Variants in GRIP2 observed in about 807,000 individuals in gnomAD.
GRIP2 encodes the protein glutamate receptor-interacting protein 2.
Under a neutral mutation model 108.3 loss-of-function variants are expected in GRIP2, and 58 were observed. That is an observed-to-expected ratio of 0.54 (90% CI 0.43 to 0.67). GRIP2 has a LOEUF of 0.67. Ranked by LOEUF, GRIP2 falls within the 30% of genes least tolerant of loss-of-function variation. The pLI, the probability that GRIP2 is intolerant of heterozygous loss-of-function variation, is 0.00. For synonymous variants in GRIP2, 586 were observed against 598.2 expected (o/e 0.98, Z 0.30); for missense variants, 1,278 against 1,430.6 (o/e 0.89, Z 1.72).
the GRIP2 span, among the ~76,000 whole-genome samples, chr3:14,587,876 T>C: frequency 2.6e-5 from 4 of 152,046 alleles, no homozygotes; most frequent in African/African-American, 7.3e-5. Context: ...TAGGCAGGGC[T>C]CCTCCTCAAA....
intron 1 of GRIP2, among the ~76,000 whole-genome samples, chr3:14,547,825 A>G (rs1426704672): frequency 1.3e-5 from 2 of 152,218 alleles, no homozygotes; most frequent in East Asian, 1.9e-4. Flanking sequence ...TAAGCATCCA[A>G]TCTCAGGATG....
chr3:14,517,267 C>T (rs1694275743), intron 10 of GRIP2, 54 bp from the exon 11 acceptor site: 1 of 1,481,126 alleles, frequency 6.8e-7, no homozygotes, highest in Non-Finnish European at 9.0e-7. Flanking sequence ...CTCCACCCCA[C>T]CACACAGTGG....
chr3:14,533,914 A>G (rs897502588), intron 1 of GRIP2, among the ~76,000 whole-genome samples: 3 of 152,208 alleles, frequency 2.0e-5, no homozygotes, highest in Non-Finnish European at 4.4e-5. Flanking sequence ...AACAAGTCAT[A>G]CTACTGTGCG....
the GRIP2 span, chr3:14,572,847 G>T: frequency 9.0e-7 from 1 of 1,112,058 alleles, no homozygotes; most frequent in Non-Finnish European, 1.4e-6. Flanking sequence ...CCCGCAGCCA[G>T]CTCGGTGGAG....
chr3:14,591,299 C>T, the GRIP2 span, among the ~76,000 whole-genome samples: 8 of 152,164 alleles, frequency 5.3e-5, no homozygotes, highest in African/African-American at 1.9e-4. Flanking sequence ...ATTAATATTC[C>T]CTGTATGATC....
At chr3:14,534,125 A>G (rs898077612) in intron 1 of GRIP2, among the ~76,000 whole-genome samples, 1 of 152,332 alleles carries the variant, frequency 6.6e-6, no homozygotes, top group African/African-American at 2.4e-5. Context: ...GCTGATGCCT[A>G]TTCAGAGGGG....
chr3:14,514,231 G>A (rs4361268), intron 12 of GRIP2, 61 bp downstream of exon 12: 610,387 of 1,407,750 alleles, frequency 0.43, 135,902 homozygotes, highest in East Asian at 0.6. Flanking sequence ...AGGGCTTGGT[G>A]CTGTGACTCA....
chr3:14,554,431 G>A (rs747760890), intron 1 of GRIP2, among the ~76,000 whole-genome samples: 5 of 141,016 alleles, frequency 3.5e-5, no homozygotes, highest in Non-Finnish European at 7.4e-5. Context: ...GACCTGAACA[G>A]AGGACAGCAG....
chr3:14,541,420 T>G (rs1325763354), upstream of GRIP2, among the ~76,000 whole-genome samples: 2 of 152,196 alleles, frequency 1.3e-5, no homozygotes, highest in Non-Finnish European at 2.9e-5. Context: ...AGCCTCATAT[T>G]TCTTCCATGT....
chr3:14,514,754 G>A (rs1430111407), intron 11 of GRIP2, among the ~76,000 whole-genome samples: 2 of 152,228 alleles, frequency 1.3e-5, no homozygotes, highest in Non-Finnish European at 2.9e-5. Flanking sequence ...GTTCTGGGGG[G>A]CAGTGTCATT....
At chr3:14,572,272 T>A in the GRIP2 span, among the ~76,000 whole-genome samples, 1 of 152,124 alleles carries the variant, frequency 6.6e-6, no homozygotes, top group East Asian at 1.9e-4. Flanking sequence ...TTTTTTTTTT[T>A]TCTAAAACGC....
intron 11 of GRIP2, among the ~76,000 whole-genome samples, chr3:14,515,818 A>G (rs1268188810): frequency 6.6e-6 from 1 of 151,682 alleles, no homozygotes; most frequent in Non-Finnish European, 1.5e-5. Context: ...TTTGGTAGAG[A>G]TGGAGTTTCG....
intron 21 of GRIP2, among the ~76,000 whole-genome samples, chr3:14,499,276 G>A (rs142457677): frequency 5.3e-5 from 8 of 152,338 alleles, no homozygotes; most frequent in Non-Finnish European, 1.0e-4. Flanking sequence ...CTGATGCATC[G>A]ACAACGCAGA....
chr3:14,550,623 T>A (rs768658331), intron 1 of GRIP2, among the ~76,000 whole-genome samples: 1 of 152,140 alleles, frequency 6.6e-6, no homozygotes, highest in Non-Finnish European at 1.5e-5. Flanking sequence ...TCCTCATGCA[T>A]AAAATGGGAG....
rs1470235627 is a variant in GRIP2, at chr3:14,491,257, G to C, written c.*2408C>G. On this transcript the variant is annotated 3_prime_UTR_variant, in exon 24 of 24. Transcript: ENST00000621039. ...CCCCTGGTGGGACAAAGACTTAGAC[G>C]AGGGCCCCAAACAGACCATAAGCGG... 3.3e-5 allele frequency: 5 copies of C among 152,310 alleles called. No individual in the cohort carries two copies. The highest frequency in any genetic ancestry group is 3.3e-4 in the Admixed American group (5 of 15,306). The allele number at this position is 152,310 out of a possible 1,614,324, so 9.4% of individuals were successfully genotyped here. A position where few individuals can be genotyped will look rare whatever the true frequency, so the allele number is the denominator to read the frequency against.
chr3:14,527,545 G>A (rs186358011), intron 1 of GRIP2, among the ~76,000 whole-genome samples: 1 of 152,144 alleles, frequency 6.6e-6, no homozygotes, highest in East Asian at 1.9e-4. Context: ...CCAGGAATCT[G>A]TATGTGTGTG....
chr3:14,574,705 C>T, the GRIP2 span: 6 of 588,652 alleles, frequency 1.0e-5, no homozygotes, highest in South Asian at 9.0e-5. Context: ...CGACGCTGTG[C>T]CCAGCGCAAG....
the GRIP2 span, among the ~76,000 whole-genome samples, chr3:14,599,620 T>C: frequency 2.7e-5 from 4 of 149,560 alleles, no homozygotes; most frequent in East Asian, 5.9e-4. Context: ...TTTGCTGCAA[T>C]AAAAGAAAGA....
chr3:14,584,157 A>C, the GRIP2 span, among the ~76,000 whole-genome samples: 5 of 152,222 alleles, frequency 3.3e-5, no homozygotes, highest in African/African-American at 1.2e-4. Flanking sequence ...CAAGTCACAG[A>C]GGCCTAGGGA....
Sources: allele counts gnomAD v4.1 joint callset (sites outside exome capture counted in the v4.1 genomes callset), GRCh38; gene constraint gnomAD v4.1.1; transcripts MANE v1.5; gene names NCBI Gene and HGNC (gene_info 2026-07-23, HGNC 2026-07-21).